The following ARHGAP32 variants were observed in gnomAD, a reference collection of about 807,000 sequenced individuals.
The protein encoded by ARHGAP32 is Rho GTPase activating protein 32, also known as rho GTPase-activating protein 32.
In ARHGAP32, 51 loss-of-function variants were observed where a neutral mutation model predicts 186.5. The observed-to-expected ratio is 0.27, with a 90% CI of 0.22 to 0.35. The LOEUF (loss-of-function observed/expected upper bound fraction) is 0.35. Ranked by LOEUF, ARHGAP32 falls within the 10% of genes least tolerant of loss-of-function variation. The pLI is 1.00. For synonymous variants in ARHGAP32, 950 were observed against 964.3 expected (o/e 0.99, Z 0.27); for missense variants, 2,186 against 2,623.5 (o/e 0.83, Z 3.64).
chr11:129,196,026 G>C (rs1240097070), upstream of ARHGAP32, among the ~76,000 whole-genome samples: 1 of 152,210 alleles, frequency 6.6e-6, no homozygotes, highest in African/African-American at 2.4e-5. Flanking sequence ...GTCACCAGCA[G>C]TAATTTCGAA....
intron 19 of ARHGAP32, 65 bp from the exon 20 acceptor site, chr11:128,976,699 G>C: frequency 3.6e-6 from 5 of 1,384,728 alleles, no homozygotes; most frequent in Non-Finnish European, 5.1e-6. Flanking sequence ...TAATGGGATC[G>C]GTGTTTTTCT....
At chr11:129,197,030 C>G (rs1222622803), upstream of ARHGAP32, among the ~76,000 whole-genome samples, 1 of 152,046 alleles carries the variant, frequency 6.6e-6, no homozygotes, top group East Asian at 1.9e-4. Context: ...GCACTTCAGC[C>G]TGGGTGACAG....
At chr11:129,189,977 A>G (rs1591685614) in intron 1 of ARHGAP32, among the ~76,000 whole-genome samples, 1 of 152,200 alleles carries the variant, frequency 6.6e-6, no homozygotes, top group East Asian at 1.9e-4. Flanking sequence ...ATTCAGGGAA[A>G]AAGAAAAGTG....
intron 1 of ARHGAP32, among the ~76,000 whole-genome samples, chr11:129,202,092 A>C (rs947488885): frequency 3.9e-5 from 6 of 152,076 alleles, no homozygotes; most frequent in Admixed American, 1.3e-4. Flanking sequence ...ATACATATAC[A>C]CACATATATA....
upstream of ARHGAP32, among the ~76,000 whole-genome samples, chr11:129,193,576 A>AT (rs57838157): frequency 3.7e-3 from 7 of 1,916 alleles, no homozygotes; most frequent in African/African-American, 9.6e-3. Context: ...TATAATATAT[A>AT]TATATTATAT....
intron 12 of ARHGAP32, among the ~76,000 whole-genome samples, chr11:128,989,072 A>G (rs1283973663): frequency 6.6e-6 from 1 of 152,214 alleles, no homozygotes; most frequent in Non-Finnish European, 1.5e-5. Context: ...GAAACAAATA[A>G]GGCATTTTAA....
intron 5 of ARHGAP32, among the ~76,000 whole-genome samples, chr11:129,116,345 T>A (rs1475777621): frequency 6.6e-6 from 1 of 152,066 alleles, no homozygotes; most frequent in Admixed American, 6.6e-5. Flanking sequence ...GACTGAATAA[T>A]CTCAAACGAG....
intron 5 of ARHGAP32, among the ~76,000 whole-genome samples, chr11:129,106,537 A>G (rs1161990501): frequency 6.6e-6 from 1 of 152,042 alleles, no homozygotes; most frequent in African/African-American, 2.4e-5. Context: ...GGAGGGTGGC[A>G]GTGAGGAAAA....
chr11:129,119,111 C>A (rs1343266462), intron 5 of ARHGAP32, among the ~76,000 whole-genome samples: 1 of 152,010 alleles, frequency 6.6e-6, no homozygotes, highest in African/African-American at 2.4e-5. Flanking sequence ...TTATCACAAC[C>A]TCAATCAGAA....
chr11:129,088,668 G>A (rs1307972527), intron 6 of ARHGAP32, among the ~76,000 whole-genome samples: 1 of 152,112 alleles, frequency 6.6e-6, no homozygotes, highest in Non-Finnish European at 1.5e-5. Context: ...AAAGTTCAAT[G>A]ACTTTGTAAA....
chr11:129,090,365 T>C (rs959621764), intron 6 of ARHGAP32, among the ~76,000 whole-genome samples: 88 of 152,244 alleles, frequency 5.8e-4, no homozygotes, highest in African/African-American at 2.0e-3. Context: ...CCACCTACCA[T>C]GACACAAGAG....
Position 128,981,854 on chromosome 11 carries a change from T to C in ARHGAP32, c.1609A>G (p.Ile537Val). 1.9e-6 allele frequency: 3 copies of C among 1,613,042 alleles called. No homozygotes were observed. Among genetic ancestry groups the C allele is most frequent in the South Asian group, 1.1e-5 (1 of 90,806 alleles). Residue 537 changes from isoleucine (I) to valine (V), a missense_variant, in exon 16 of 23, where the codon ATT becomes GTT. Transcript: ENST00000682385. ...CTTAACAGGTTTGGAGCCCAAACAA[T>C]TGCTAGATTTTTTGCATGCATATTT... ...ITNMHAKNLA[I>V]VWAPNLLRSK...
intron 11 of ARHGAP32, among the ~76,000 whole-genome samples, chr11:129,005,808 G>A (rs1390527577): frequency 6.6e-6 from 1 of 152,070 alleles, no homozygotes; most frequent in Non-Finnish European, 1.5e-5. Flanking sequence ...GGAATTCTCT[G>A]TTACTATCTC....
intron 6 of ARHGAP32, among the ~76,000 whole-genome samples, chr11:129,090,640 A>G (rs1210499150): frequency 1.3e-5 from 2 of 152,138 alleles, no homozygotes; most frequent in East Asian, 1.9e-4. Flanking sequence ...GCACAGGTAG[A>G]AAAAAACGCC....
chr11:129,248,534 C>G (rs1265343465), intron 1 of ARHGAP32, among the ~76,000 whole-genome samples: 3 of 152,132 alleles, frequency 2.0e-5, no homozygotes, highest in African/African-American at 7.2e-5. Context: ...CTAAATCACC[C>G]CAGCCTCCTT....
At chr11:129,078,773 G>A (rs11500911) in intron 6 of ARHGAP32, among the ~76,000 whole-genome samples, 3,833 of 152,256 alleles carry the variant, frequency 0.025, 99 homozygotes, top group African/African-American at 0.061. Context: ...GTTTAAAGGC[G>A]TGAGCCACCG....
chr11:129,159,240 TA>T (rs897193355), intron 2 of ARHGAP32, among the ~76,000 whole-genome samples: 3 of 151,616 alleles, frequency 2.0e-5, no homozygotes, highest in Admixed American at 2.0e-4. Context: ...GAAAAACCCT[TA>T]AAAAAAATCA....
intron 15 of ARHGAP32, among the ~76,000 whole-genome samples, chr11:128,982,443 A>G (rs1174364107): frequency 6.6e-6 from 1 of 151,344 alleles, no homozygotes; most frequent in African/African-American, 2.4e-5. Context: ...AGACATGATC[A>G]CCTTAAATGT....
At chr11:128,996,837 A>C (rs1270403593) in intron 12 of ARHGAP32, among the ~76,000 whole-genome samples, 1 of 151,856 alleles carries the variant, frequency 6.6e-6, no homozygotes, top group African/African-American at 2.4e-5. Flanking sequence ...GCTGGAGTGC[A>C]GTGGCGTGAA....
Sources: allele counts gnomAD v4.1 joint callset (sites outside exome capture counted in the v4.1 genomes callset), GRCh38; gene constraint gnomAD v4.1.1; transcripts MANE v1.5; gene names NCBI Gene and HGNC (gene_info 2026-07-23, HGNC 2026-07-21).